Variants in MIS18A observed in about 807,000 individuals in gnomAD.
The protein encoded by MIS18A is protein Mis18-alpha.
Under a neutral mutation model 25.0 loss-of-function variants are expected in MIS18A, and 14 were observed. That is an observed-to-expected ratio of 0.56 (90% confidence interval 0.37 to 0.88). The LOEUF is 0.88. Ranked by LOEUF, MIS18A falls within the 40% of genes least tolerant of loss-of-function variation. MIS18A has a pLI of 0.00. For synonymous variants in MIS18A, 134 were observed against 118.6 expected (o/e 1.13, Z -0.84); for missense variants, 292 against 290.8 (o/e 1.00, Z -0.03).
the MIS18A span, among the ~76,000 whole-genome samples, chr21:32,175,487 G>T: frequency 3.1e-3 from 472 of 150,524 alleles, 2 homozygotes; most frequent in African/African-American, 0.011. Context: ...TAACTTTTTG[G>T]CTCTTTTGTA....
At chr21:32,258,847 T>C in the MIS18A span, among the ~76,000 whole-genome samples, 19 of 118,914 alleles carry the variant, frequency 1.6e-4, no homozygotes, top group African/African-American at 6.7e-4. Context: ...TATTTATTTA[T>C]TTATTTATTT....
the MIS18A span, among the ~76,000 whole-genome samples, chr21:32,245,279 C>T: frequency 1.3e-5 from 2 of 152,302 alleles, no homozygotes; most frequent in South Asian, 4.1e-4. Flanking sequence ...CATCAGTCAT[C>T]GCACTGGGAA....
At chr21:32,186,920 G>A in the MIS18A span, among the ~76,000 whole-genome samples, 4 of 152,108 alleles carry the variant, frequency 2.6e-5, no homozygotes, top group African/African-American at 9.7e-5. Flanking sequence ...CCCGCACAAT[G>A]CAGCTGAATG....
At chr21:32,176,387 C>T in the MIS18A span, among the ~76,000 whole-genome samples, 4 of 152,080 alleles carry the variant, frequency 2.6e-5, no homozygotes, top group African/African-American at 9.7e-5. Flanking sequence ...TCTTATAGAA[C>T]CATCACTGTA....
the MIS18A span, among the ~76,000 whole-genome samples, chr21:32,236,721 A>G: frequency 2.0e-5 from 3 of 152,166 alleles, no homozygotes; most frequent in Non-Finnish European, 4.4e-5. Context: ...TGGATCACAC[A>G]TCATCTTAAG....
At chr21:32,263,335 C>G (rs970162477), downstream of MIS18A, among the ~76,000 whole-genome samples, 1 of 152,212 alleles carries the variant, frequency 6.6e-6, no homozygotes, top group Admixed American at 6.5e-5. Flanking sequence ...GTGGCTCACG[C>G]CTGTAATCCC....
chr21:32,162,047 AG>A, the MIS18A span, among the ~76,000 whole-genome samples: 2 of 152,118 alleles, frequency 1.3e-5, no homozygotes, highest in Non-Finnish European at 2.9e-5. Context: ...CACCATTTCA[AG>A]GAATGCATTA....
At chr21:32,181,392 C>G in the MIS18A span, among the ~76,000 whole-genome samples, 16,012 of 152,152 alleles carry the variant, frequency 0.11, 1,084 homozygotes, top group African/African-American at 0.19. Context: ...TTTGTAGATA[C>G]AGATATAGAC....
the MIS18A span, among the ~76,000 whole-genome samples, chr21:32,240,719 A>T: frequency 6.6e-6 from 1 of 152,200 alleles, no homozygotes; most frequent in Non-Finnish European, 1.5e-5. Flanking sequence ...CTTTGTACAC[A>T]AACATCTGTG....
chr21:32,203,691 C>T, the MIS18A span, among the ~76,000 whole-genome samples: 2 of 142,564 alleles, frequency 1.4e-5, no homozygotes, highest in Non-Finnish European at 3.0e-5. Context: ...ATGATCACAG[C>T]TTACTGCCTC....
the MIS18A span, among the ~76,000 whole-genome samples, chr21:32,249,778 C>T: frequency 1.3e-5 from 2 of 152,146 alleles, no homozygotes; most frequent in African/African-American, 4.8e-5. Flanking sequence ...GAGCTGAAAA[C>T]TCAGTATCAT....
the MIS18A span, among the ~76,000 whole-genome samples, chr21:32,221,723 C>CAAAAAAAAAA: frequency 1.8e-5 from 2 of 108,696 alleles, no homozygotes; most frequent in African/African-American, 6.9e-5. Flanking sequence ...ACGAATAATA[C>CAAAAAAAAAA]AAAAAAAAAA....
chr21:32,244,847 G>A, the MIS18A span, among the ~76,000 whole-genome samples: 1 of 152,146 alleles, frequency 6.6e-6, no homozygotes, highest in Non-Finnish European at 1.5e-5. Flanking sequence ...TCAAAATATG[G>A]TAACTATAAA....
the MIS18A span, among the ~76,000 whole-genome samples, chr21:32,216,230 C>T: frequency 0.029 from 4,458 of 152,188 alleles, 225 homozygotes; most frequent in African/African-American, 0.1. Flanking sequence ...ATCCCTTACC[C>T]GTACCCCCAG....
chr21:32,241,263 T>C, the MIS18A span, among the ~76,000 whole-genome samples: 4 of 151,696 alleles, frequency 2.6e-5, no homozygotes, highest in East Asian at 1.9e-4. Flanking sequence ...ATTACGAAAG[T>C]AGAACTTCAA....
At chr21:32,270,788 A>G (rs2031699944) in intron 2 of MIS18A, among the ~76,000 whole-genome samples, 1 of 152,240 alleles carries the variant, frequency 6.6e-6, no homozygotes, top group Admixed American at 6.5e-5. Context: ...GTGTTTTTCT[A>G]GAATATAAAT....
chr21:32,270,511 G>A lies in MIS18A; in HGVS notation c.420C>T (p.Cys140=), dbSNP rs765407603. Residue 140 remains cysteine (C), a synonymous_variant, in exon 3 of 5, where the codon TGC becomes TGT. Coordinates refer to ENST00000290130, the MANE Select transcript of MIS18A (RefSeq NM_018944.3). ...KENGCVLETL[C]CAGCSLNLGY... ...CAAGATTGAGTGAGCACCCCGCGCAGCACAAAGTCTCAAGGACGCTGCAAT... is the reference window on the plus strand; with the variant it reads ...CAAGATTGAGTGAGCACCCCGCGCAACACAAAGTCTCAAGGACGCTGCAAT... 2.3e-5 allele frequency: 36 copies of A among 1,590,768 alleles called. No individual in the cohort carries two copies. The East Asian group carries it at 7.5e-4, about 33-fold the overall frequency.
At chr21:32,275,298 C>T (rs1397395820) in intron 1 of MIS18A, among the ~76,000 whole-genome samples, 1 of 152,126 alleles carries the variant, frequency 6.6e-6, no homozygotes, top group Non-Finnish European at 1.5e-5. Context: ...AATAGAATGG[C>T]TAAAATTAGA....
At chr21:32,222,431 A>G in the MIS18A span, among the ~76,000 whole-genome samples, 495 of 152,324 alleles carry the variant, frequency 3.2e-3, no homozygotes, top group Non-Finnish European at 5.5e-3. Flanking sequence ...TCAGCTCTGG[A>G]CCAAAAGGAC....
Sources: allele counts gnomAD v4.1 joint callset (sites outside exome capture counted in the v4.1 genomes callset), GRCh38; gene constraint gnomAD v4.1.1; transcripts MANE v1.5; gene names NCBI Gene and HGNC (gene_info 2026-07-23, HGNC 2026-07-21).